Variants in SLC8A3 observed in about 807,000 individuals in gnomAD.
SLC8A3 encodes sodium/calcium exchanger 3.
SLC8A3 carries 37 observed loss-of-function variants against 65.4 expected under a neutral mutation model. The observed-to-expected ratio is 0.57, with a 90% CI of 0.44 to 0.74. The LOEUF (loss-of-function observed/expected upper bound fraction) is 0.74, where lower values mean the gene tolerates loss of function less well. Ranked by LOEUF, SLC8A3 falls within the 30% of genes least tolerant of loss-of-function variation. The probability of loss-of-function intolerance (pLI) is 0.00; values close to 1 mark genes in which losing one functional copy is unlikely to be tolerated. For synonymous variants in SLC8A3, 461 were observed against 444.5 expected, an observed-to-expected ratio of 1.04 and a Z score of -0.47; for missense variants, 1,112 against 1,172.1, an observed-to-expected ratio of 0.95 and a Z score of 0.75.
chr14:70,057,998 C>A (rs1888358518), intron 3 of SLC8A3, among the ~76,000 whole-genome samples: 1 of 152,240 alleles, frequency 6.6e-6, no homozygotes, highest in African/African-American at 2.4e-5. Flanking sequence ...CGGAAGTCCA[C>A]TTCTAGACTC....
At chr14:70,063,840 T>C in intron 2 of SLC8A3, 2 of 1,603,780 alleles carry the variant, frequency 1.2e-6, no homozygotes, top group African/African-American at 1.3e-5. Flanking sequence ...AAAACTCATA[T>C]CCACCATGCG....
At chr14:70,145,804 G>A (rs890301190) in intron 2 of SLC8A3, among the ~76,000 whole-genome samples, 6 of 152,200 alleles carry the variant, frequency 3.9e-5, no homozygotes, top group Admixed American at 1.3e-4. Context: ...CCAGCACACA[G>A]CTGTTGCTGT....
intron 1 of SLC8A3, among the ~76,000 whole-genome samples, chr14:70,180,080 C>G (rs1882607343): frequency 6.6e-6 from 1 of 152,138 alleles, no homozygotes; most frequent in Admixed American, 6.5e-5. Flanking sequence ...ATCGTTCCTG[C>G]CCTTCCCTGT....
In SLC8A3 at chr14:70,052,074, G is replaced by A; in HGVS notation, c.1929C>T (p.Ala643=). 6.2e-7 allele frequency: 1 copy of A among 1,607,648 alleles called. No homozygotes were observed. Among genetic ancestry groups the A allele is most frequent in the Non-Finnish European group, 8.5e-7 (1 of 1,178,328 alleles). Reference sequence around the variant, plus strand: ...GCTTTCCCATCTCTGCTATCCTCTTGGCCTCCTCTTCTTCCATAGTCAGCT... The same window carrying A: ...GCTTTCCCATCTCTGCTATCCTCTTAGCCTCCTCTTCTTCCATAGTCAGCT... ...DRKLTMEEEE[A]KRIAEMGKPV... The change falls in exon 4 of 7, where the codon GCC becomes GCT. Residue 643 remains alanine (A), a synonymous_variant. Coordinates refer to ENST00000356921, the MANE Select transcript of SLC8A3 (RefSeq NM_182932.3).
chr14:70,065,071 GTGGCCATGGGCC>G (rs1889267131), intron 2 of SLC8A3, among the ~76,000 whole-genome samples: 1 of 152,186 alleles, frequency 6.6e-6, no homozygotes, highest in African/African-American at 2.4e-5. Context: ...GCCCTGGGCA[GTGGCCATGGGCC>G]TGCACCCTTT....
chr14:70,178,750 T>A (rs1594817706), intron 1 of SLC8A3, among the ~76,000 whole-genome samples: 1 of 152,212 alleles, frequency 6.6e-6, no homozygotes, highest in East Asian at 1.9e-4. Flanking sequence ...ATTTATTGAG[T>A]GCCAAATGTG....
chr14:70,170,289 T>C (rs780540090), intron 1 of SLC8A3, among the ~76,000 whole-genome samples: 1 of 152,122 alleles, frequency 6.6e-6, no homozygotes, highest in Non-Finnish European at 1.5e-5. Flanking sequence ...TCAACAACAA[T>C]AGCCTTCAGG....
intron 1 of SLC8A3, among the ~76,000 whole-genome samples, chr14:70,186,888 A>G (rs1883273785): frequency 6.6e-6 from 1 of 152,234 alleles, no homozygotes; most frequent in Non-Finnish European, 1.5e-5. Context: ...TATTTCAGGA[A>G]GAGCATGGCG....
intron 3 of SLC8A3, among the ~76,000 whole-genome samples, chr14:70,058,168 T>C (rs1340105659): frequency 5.3e-5 from 8 of 152,202 alleles, no homozygotes; most frequent in African/African-American, 1.9e-4. Flanking sequence ...TTAATGCAAT[T>C]GTCATTTTGA....
chr14:70,150,570 C>T (rs1346083722), intron 2 of SLC8A3, among the ~76,000 whole-genome samples: 1 of 152,136 alleles, frequency 6.6e-6, no homozygotes, highest in Non-Finnish European at 1.5e-5. Flanking sequence ...AACTCAATGC[C>T]TCCTACCCTC....
chr14:70,111,790 G>T (rs1300280235), intron 2 of SLC8A3, among the ~76,000 whole-genome samples: 1 of 152,200 alleles, frequency 6.6e-6, no homozygotes, highest in Admixed American at 6.5e-5. Flanking sequence ...ATATGATAAG[G>T]TGACAGTGGA....
At chr14:70,178,579 C>A (rs1397074470) in intron 1 of SLC8A3, among the ~76,000 whole-genome samples, 2 of 152,160 alleles carry the variant, frequency 1.3e-5, no homozygotes, top group Non-Finnish European at 2.9e-5. Context: ...GTGTAAAAAA[C>A]CCAAAATATT....
intron 2 of SLC8A3, among the ~76,000 whole-genome samples, chr14:70,064,216 G>A (rs956226402): frequency 6.6e-6 from 1 of 152,212 alleles, no homozygotes; most frequent in Admixed American, 6.5e-5. Context: ...TGGATAGGCT[G>A]TGTAATCTTG....
chr14:70,125,751 C>T (rs1296791329), intron 2 of SLC8A3, among the ~76,000 whole-genome samples: 1 of 152,012 alleles, frequency 6.6e-6, no homozygotes, highest in Non-Finnish European at 1.5e-5. Context: ...GAGAAATCTC[C>T]TAGGGAGCTT....
chr14:70,104,600 G>A (rs1012624121), intron 2 of SLC8A3, among the ~76,000 whole-genome samples: 4 of 152,096 alleles, frequency 2.6e-5, no homozygotes, highest in African/African-American at 9.7e-5. Context: ...ACTTTATAAT[G>A]TATATACTTG....
intron 2 of SLC8A3, among the ~76,000 whole-genome samples, chr14:70,155,814 C>T (rs1477591635): frequency 6.6e-6 from 1 of 152,198 alleles, no homozygotes; most frequent in Non-Finnish European, 1.5e-5. Context: ...CCAATAATTT[C>T]AAAGCATTTT....
chr14:70,166,960 C>T lies in SLC8A3; in HGVS notation c.1463G>A (p.Arg488His), dbSNP rs774270009. The change falls in exon 2 of 7, where the codon CGC (arginine) becomes CAC (histidine). Residue 488 changes from arginine (R) to histidine (H), a missense_variant. Coordinates refer to ENST00000356921, the MANE Select transcript of SLC8A3 (RefSeq NM_182932.3). The stretch of plus-strand genomic sequence containing the variant: ...CTCCTCTGGCTGCTCCTCCTCTATG[C>T]GGACATTGCTCAACCTTACAAAGAA... ...EHFFVRLSNV[R>H]IEEEQPEEGM... 7.4e-6 allele frequency: 12 copies of T among 1,613,974 alleles called. No individual in the cohort carries two copies. Among genetic ancestry groups the T allele is most frequent in the African/African-American group, 1.3e-5 (1 of 74,922 alleles).
chr14:70,068,107 C>T (rs1297631702), intron 2 of SLC8A3, among the ~76,000 whole-genome samples: 4 of 152,238 alleles, frequency 2.6e-5, no homozygotes, highest in Admixed American at 6.5e-5. Flanking sequence ...CATGTCTGGG[C>T]TGCCTGGCTG....
At chr14:70,072,388 A>C (rs1890088300) in intron 2 of SLC8A3, among the ~76,000 whole-genome samples, 1 of 152,156 alleles carries the variant, frequency 6.6e-6, no homozygotes, top group African/African-American at 2.4e-5. Context: ...GGGCAAAAAG[A>C]GGGAATTTCT....
Sources: allele counts gnomAD v4.1 joint callset (sites outside exome capture counted in the v4.1 genomes callset), GRCh38; gene constraint gnomAD v4.1.1; transcripts MANE v1.5; gene names NCBI Gene and HGNC (gene_info 2026-07-23, HGNC 2026-07-21).